The following USP31 variants were observed in gnomAD, a reference collection of about 807,000 sequenced individuals.
USP31 encodes the protein ubiquitin carboxyl-terminal hydrolase 31.
In USP31, 44 loss-of-function variants were observed where a neutral mutation model predicts 119.4. The observed-to-expected ratio is 0.37, with a 90% confidence interval of 0.29 to 0.47. The LOEUF is 0.47. Among genes scored for constraint, USP31 ranks in the 20% least tolerant of loss-of-function variants. The pLI, the probability that USP31 is intolerant of heterozygous loss-of-function variation, is 0.99. For missense variants in USP31, 1,643 were observed against 1,730.2 expected (o/e 0.95, Z 0.89); for synonymous variants, 749 against 705.6 (o/e 1.06, Z -0.97).
intron 13 of USP31, among the ~76,000 whole-genome samples, chr16:23,077,172 C>T (rs1900612901): frequency 6.6e-6 from 1 of 152,150 alleles, no homozygotes; most frequent in African/African-American, 2.4e-5. Context: ...TAGCTTCTTT[C>T]TCTCCTTGAA....
chr16:23,100,137 C>T (rs1901788181), intron 6 of USP31, among the ~76,000 whole-genome samples: 1 of 152,144 alleles, frequency 6.6e-6, no homozygotes. Context: ...AATGATTAAA[C>T]ATAAAGTTAC....
In USP31 at chr16:23,062,606, A is replaced by G. The variant is rs1288485767; in HGVS notation, c.*5440T>C. On this transcript the variant is annotated 3_prime_UTR_variant, in exon 16 of 16. Transcript: ENST00000219689. ...GGAAGGTTGTTTCTTTTCTTCTTCG[A>G]CAATTTCTAGCTCAGAGTGACTTCC... The G allele has an allele frequency of 6.6e-6, 1 of 152,540 alleles. No individual in the cohort carries two copies. Among genetic ancestry groups the G allele is most frequent in the Non-Finnish European group, 1.5e-5 (1 of 68,028 alleles). 9.4% of individuals were successfully genotyped at this position (152,540 alleles called of 1,614,324 possible). A position where few individuals can be genotyped will look rare whatever the true frequency, so the allele number is the denominator to read the frequency against.
intron 1 of USP31, among the ~76,000 whole-genome samples, chr16:23,136,758 A>G (rs1483189596): frequency 6.6e-6 from 1 of 152,244 alleles, no homozygotes; most frequent in Non-Finnish European, 1.5e-5. Flanking sequence ...AGAAATTAAC[A>G]TCTAGAATAT....
At chr16:23,135,411 C>T (rs1393931937) in intron 1 of USP31, among the ~76,000 whole-genome samples, 4 of 152,054 alleles carry the variant, frequency 2.6e-5, no homozygotes, top group African/African-American at 9.7e-5. Flanking sequence ...GATCTCTTTT[C>T]ACAAATGACA....
chr16:23,078,181 G>A (rs1026135219), intron 13 of USP31, among the ~76,000 whole-genome samples: 9 of 151,832 alleles, frequency 5.9e-5, no homozygotes, highest in Admixed American at 5.3e-4. Context: ...GTGTGGTGGT[G>A]TGTGCCTGTA....
intron 1 of USP31, among the ~76,000 whole-genome samples, chr16:23,116,261 CATTTTTAGA>C (rs1456634341): frequency 7.9e-5 from 12 of 152,258 alleles, no homozygotes; most frequent in African/African-American, 2.6e-4. Context: ...ATAGTATTTA[CATTTTTAGA>C]AAAAGAAATA....
chr16:23,080,061 C>T lies in USP31; in HGVS notation c.2061G>A (p.Ser687=), dbSNP rs1197023543. ...KRSQSSWSLP[S]HWSPWRRPYG... is the part of the protein sequence containing the mutation. ...AGGGCCGTCTCCACGGGGACCAATGCGATGGCAAACTCCAGCTGCTCTGGC... is the reference window on the plus strand; with the variant it reads ...AGGGCCGTCTCCACGGGGACCAATGTGATGGCAAACTCCAGCTGCTCTGGC... The change falls in exon 13 of 16, where the codon TCG becomes TCA. Residue 687 remains serine, a synonymous_variant. Transcript: ENST00000219689. The T allele has an allele frequency of 9.9e-6, 16 of 1,613,916 alleles. No individual in the cohort carries two copies. The highest frequency in any genetic ancestry group is 7.7e-5 in the South Asian group (7 of 91,062).
At chr16:23,128,612 T>G (rs938572167) in intron 1 of USP31, among the ~76,000 whole-genome samples, 2 of 152,214 alleles carry the variant, frequency 1.3e-5, no homozygotes, top group Non-Finnish European at 2.9e-5. Context: ...AGAGTCTCTG[T>G]AGAAGTGTTC....
At position 23,073,995 on chromosome 16, in the gene USP31, C is replaced by T. The variant is rs112439850; in HGVS notation, c.2177-115G>A. 345 of 1,355,546 alleles carry T rather than the reference C, an allele frequency of 2.5e-4. 3 individuals are homozygous for T. Among genetic ancestry groups the T allele is most frequent in the Admixed American group, 1.1e-3 (62 of 55,124 alleles). The allele number at this position is 1,355,546 out of a possible 1,614,324, so 84.0% of individuals were successfully genotyped here. ...TTAACTCAAGAACGTTTTAAGGCTG[C>T]GTATAGCAACACAGAAAGAGATTAA... On this transcript the variant is annotated intron_variant, in intron 13 of 15. Transcript: ENST00000219689.
Position 23,072,152 on chromosome 16 carries a change from G to C in USP31, c.2381C>G (p.Pro794Arg). Residue 794 changes from proline (P) to arginine (R), a missense_variant, in exon 15 of 16, where the codon CCG (proline) becomes CGG (arginine). Around this residue, in one of 5 missense-constraint regions of USP31, gnomAD observed 279 missense variants for 372.2 expected, o/e 0.75. Coordinates refer to ENST00000219689, the MANE Select transcript of USP31 (RefSeq NM_020718.4). Reference protein sequence around the residue: ...SLCEHWVSRLPGSKPASVTSA... With the variant: ...SLCEHWVSRLRGSKPASVTSA... ...GGTCACGCTGGCTGGCTTGCTGCCC[G>C]GGAGCCGGCTCACCCAGTGTTCACA... 3 of 1,611,198 alleles carry C rather than the reference G, an allele frequency of 1.9e-6. No individual in the cohort carries two copies. Among genetic ancestry groups the C allele is most frequent in the South Asian group, 1.1e-5 (1 of 91,082 alleles).
Position 23,065,018 on chromosome 16 carries a change from T to G in USP31, c.*3028A>C, listed in dbSNP as rs1900008678. 1 of 152,152 alleles carries G rather than the reference T, an allele frequency of 6.6e-6. No homozygotes were observed. The highest frequency in any genetic ancestry group is 6.5e-5 in the Admixed American group (1 of 15,280). The allele number at this position is 152,152 out of a possible 1,614,324, so 9.4% of individuals were successfully genotyped here. A position where few individuals can be genotyped will look rare whatever the true frequency, so the allele number is the denominator to read the frequency against. ...GAAATGGTCTAAGATGACTGGAGCC[T>G]AACGGTTTGAGTTTCCACATTATCT... On this transcript the variant is annotated 3_prime_UTR_variant, in exon 16 of 16. Coordinates refer to ENST00000219689, the MANE Select transcript of USP31 (RefSeq NM_020718.4).
intron 10 of USP31, 28 bp downstream of exon 10, chr16:23,085,557 T>C (rs1445598028): frequency 6.3e-7 from 1 of 1,581,114 alleles, no homozygotes; most frequent in Non-Finnish European, 8.7e-7. Flanking sequence ...ACAATGTTTC[T>C]ATAAACACTA....
In USP31 at chr16:23,069,281, G is replaced by A; in HGVS notation, c.2824C>T (p.Leu942=). Residue 942 remains leucine (L), a synonymous_variant, in exon 16 of 16, where the codon CTG becomes TTG. Transcript: ENST00000219689. ...TTGAACACGCCTTCCATGACAGCCAGAGGGGCCCGGCCCACAGCCTTGTGC... is the reference window on the plus strand; with the variant it reads ...TTGAACACGCCTTCCATGACAGCCAAAGGGGCCCGGCCCACAGCCTTGTGC... ...REHKAVGRAP[L]AVMEGVFKDE... 1.9e-6 allele frequency: 3 copies of A among 1,612,396 alleles called. No homozygotes were observed. The highest frequency in any genetic ancestry group is 2.5e-6 in the Non-Finnish European group (3 of 1,179,154).
intron 1 of USP31, among the ~76,000 whole-genome samples, chr16:23,144,752 G>C (rs1238370527): frequency 6.6e-6 from 1 of 152,130 alleles, no homozygotes; most frequent in Non-Finnish European, 1.5e-5. Flanking sequence ...AAAGTGCCGG[G>C]ATTACAGACA....
At chr16:23,115,628 A>G (rs992152438) in intron 1 of USP31, 1 of 250,010 alleles carries the variant, frequency 4.0e-6, no homozygotes, top group African/African-American at 2.3e-5. Context: ...TATTAAACTG[A>G]GTCTCTTGGT....
chr16:23,110,515 T>G (rs1280199747), intron 1 of USP31, among the ~76,000 whole-genome samples: 1 of 152,080 alleles, frequency 6.6e-6, no homozygotes, highest in Admixed American at 6.5e-5. Flanking sequence ...AGTAAACAGA[T>G]TAGGCAGAGT....
At chr16:23,075,130 C>T (rs530868257) in intron 13 of USP31, among the ~76,000 whole-genome samples, 1 of 152,166 alleles carries the variant, frequency 6.6e-6, no homozygotes, top group African/African-American at 2.4e-5. Flanking sequence ...GACCTATGAA[C>T]GGAGGCAGGG....
chr16:23,126,979 C>T (rs1348953791), intron 1 of USP31, among the ~76,000 whole-genome samples: 1 of 152,026 alleles, frequency 6.6e-6, no homozygotes, highest in African/African-American at 2.4e-5. Context: ...GGGAGAAAGG[C>T]AATAGAGTGG....
In USP31 at chr16:23,067,987, G is replaced by C; in HGVS notation, c.*59C>G. On this transcript the variant is annotated 3_prime_UTR_variant, in exon 16 of 16. Transcript: ENST00000219689. ...AAAGCACAGGAGGCTTTGGTGGGAG[G>C]GCAGGGGTTCTAAATAAATAAACAT... 2 of 1,532,740 alleles carry C rather than the reference G, an allele frequency of 1.3e-6. No homozygotes were observed. The highest frequency in any genetic ancestry group is 1.7e-6 in the Non-Finnish European group (2 of 1,144,880). 94.9% of individuals were successfully genotyped at this position (1,532,740 alleles called of 1,614,324 possible). A position where few individuals can be genotyped will look rare whatever the true frequency, so the allele number is the denominator to read the frequency against.
Sources: gnomAD v4.1 joint callset for allele counts (sites outside exome capture counted in the v4.1 genomes callset) on GRCh38, gnomAD v4.1.1 for gene constraint, gnomAD v4.1.1 regional missense constraint, MANE v1.5 for transcripts, NCBI Gene and HGNC (gene_info 2026-07-23, HGNC 2026-07-21) for gene names.